The following PCYT1B variants were observed in gnomAD, a reference collection of about 807,000 sequenced individuals.
PCYT1B encodes phosphate cytidylyltransferase 1B, choline.
A neutral mutation model predicts 26.4 loss-of-function variants in PCYT1B; 10 were observed. The ratio of observed to expected loss-of-function variants is 0.38; its 90% CI spans 0.23 to 0.64. The LOEUF (loss-of-function observed/expected upper bound fraction) is 0.64. PCYT1B is among the 30% of genes least tolerant of loss of function. PCYT1B has a pLI of 0.56. For synonymous variants in PCYT1B, 131 were observed against 108.4 expected, an observed-to-expected ratio of 1.21 and a Z score of -1.29; for missense variants, 161 against 292.7, an observed-to-expected ratio of 0.55 and a Z score of 3.28.
At chrX:24,661,599 GA>G (rs1219053941) in intron 1 of PCYT1B, among the ~76,000 whole-genome samples, 3 of 111,925 alleles carry the variant, frequency 2.7e-5, no homozygotes, top group Non-Finnish European at 5.6e-5. Context: ...AGGGATAAAG[GA>G]GTATGTTAAC....
At chrX:24,579,204 A>AGG in intron 6 of PCYT1B, 112 bp downstream of exon 6, 1 of 596,768 alleles carries the variant, frequency 1.7e-6, no homozygotes, top group Non-Finnish European at 2.5e-6. Flanking sequence ...AAAAAAAGAG[A>AGG]GAGAGAGAGG....
At chrX:24,630,516 C>T (rs953819685) in intron 1 of PCYT1B, among the ~76,000 whole-genome samples, 4 of 111,319 alleles carry the variant, frequency 3.6e-5, no homozygotes, top group Non-Finnish European at 3.8e-5. Context: ...AGGATGGTCT[C>T]GATCTCCTGA....
chrX:24,577,717 G>A (rs2148226215), intron 6 of PCYT1B, among the ~76,000 whole-genome samples: 1 of 111,973 alleles, frequency 8.9e-6, no homozygotes, highest in Non-Finnish European at 1.9e-5. Context: ...GATAATTATA[G>A]CTGCATGTAA....
At chrX:24,623,194 T>C (rs1434506264) in intron 1 of PCYT1B, among the ~76,000 whole-genome samples, 1 of 109,733 alleles carries the variant, frequency 9.1e-6, no homozygotes, top group Non-Finnish European at 1.9e-5. Context: ...GGCATGTTCA[T>C]GTTCATGTTC....
intron 6 of PCYT1B, among the ~76,000 whole-genome samples, chrX:24,577,174 T>C (rs1195064722): frequency 9.0e-6 from 1 of 111,080 alleles, no homozygotes; most frequent in African/African-American, 3.3e-5. Context: ...GGACTTGGAC[T>C]GGGTGACTGA....
In PCYT1B at chrX:24,647,152, C is replaced by A; in HGVS notation, c.-47G>T. The A allele has an allele frequency of 3.4e-6, 4 of 1,189,347 alleles. No homozygotes were observed. Among genetic ancestry groups the A allele is most frequent in the Non-Finnish European group, 3.4e-6 (3 of 884,259 alleles). On this transcript the variant is annotated 5_prime_UTR_variant, in exon 1 of 8. Transcript: ENST00000379144. ...GCTCTACACCCTCAGAGAGTCTCCT[C>A]CCAGGCAGAGAATGTTTTCTTTGTC...
At chrX:24,618,951 A>C in intron 2 of PCYT1B, 34 bp downstream of exon 2, 11 of 894,568 alleles carry the variant, frequency 1.2e-5, no homozygotes, top group Non-Finnish European at 1.7e-5. Flanking sequence ...ATGTCAAGAC[A>C]GGGCCCATTT....
intron 2 of PCYT1B, among the ~76,000 whole-genome samples, chrX:24,616,925 T>C (rs1184421001): frequency 8.9e-6 from 1 of 112,326 alleles, no homozygotes; most frequent in African/African-American, 3.2e-5. Context: ...GGTCAAGCTC[T>C]AAGACCAATA....
intron 1 of PCYT1B, among the ~76,000 whole-genome samples, chrX:24,664,671 T>C (rs968290770): frequency 3.6e-5 from 4 of 112,150 alleles, no homozygotes; most frequent in Admixed American, 9.5e-5. Flanking sequence ...AAATAGCCCA[T>C]CTTTGGCCAG....
chrX:24,607,852 G>A lies in PCYT1B; in HGVS notation c.227C>T (p.Pro76Leu). The change falls in exon 3 of 8, where the codon CCT (proline) becomes CTT (leucine). Residue 76 changes from proline to leucine, a missense_variant. Pro to Leu is a moderately conservative substitution (Grantham distance 98, BLOSUM62 -3). Coordinates refer to ENST00000379144, the MANE Select transcript of PCYT1B (RefSeq NM_004845.5). ...TATTCCATCGGCGTATACTCTGACA[G>A]GCCTGTCAGCTGTGGGAGAAAGAAA... ...QARLGTPADRPVRVYADGIFD... is the reference protein window; with the variant it reads ...QARLGTPADRLVRVYADGIFD... 1 of 1,141,964 alleles carries A rather than the reference G, an allele frequency of 8.8e-7. No homozygotes were observed. The highest frequency in any genetic ancestry group is 1.2e-6 in the Non-Finnish European group (1 of 836,959). 94.1% of individuals were successfully genotyped at this position (1,141,964 alleles called of 1,213,427 possible). A position where few individuals can be genotyped will look rare whatever the true frequency, so the allele number is the denominator to read the frequency against.
intron 1 of PCYT1B, among the ~76,000 whole-genome samples, chrX:24,644,537 G>A (rs964541189): frequency 6.3e-5 from 7 of 110,620 alleles, no homozygotes; most frequent in African/African-American, 1.7e-4. Flanking sequence ...TCTCACTTAT[G>A]AGTATGTTAT....
chrX:24,651,071 A>C (rs762309349), upstream of PCYT1B, among the ~76,000 whole-genome samples: 1 of 111,669 alleles, frequency 9.0e-6, no homozygotes, highest in East Asian at 2.8e-4. Context: ...AAGCATTGGA[A>C]GGAAATATAT....
At position 24,572,258 on chromosome X, in the gene PCYT1B, ACG is replaced by A. The variant is rs756755932; in HGVS notation, c.897+2870_897+2871del. On this transcript the variant is annotated intron_variant, in intron 7 of 7. Coordinates refer to ENST00000379144, the MANE Select transcript of PCYT1B (RefSeq NM_004845.5). Reference sequence around the variant, plus strand: ...TCTATCTATCTGTCTACATACACACACGCGCGCGCACACACACACACACACAC... The same window carrying A: ...TCTATCTATCTGTCTACATACACACACGCGCGCACACACACACACACACAC... Among the ~76,000 whole-genome samples, 783 of 102,909 alleles carry A rather than the reference ACG, an allele frequency of 7.6e-3. 5 individuals are homozygous for A. Among genetic ancestry groups the A allele is most frequent in the African/African-American group, 0.02 (561 of 28,348 alleles). The allele number at this position is 102,909 out of a possible 115,157, so 89.4% of individuals were successfully genotyped here. A position where few individuals can be genotyped will look rare whatever the true frequency, so the allele number is the denominator to read the frequency against.
At chrX:24,626,850 T>A (rs765171134) in intron 1 of PCYT1B, among the ~76,000 whole-genome samples, 2 of 111,767 alleles carry the variant, frequency 1.8e-5, no homozygotes, top group Admixed American at 1.9e-4. Context: ...TTCTAGCTTC[T>A]GAGGATACAA....
intron 1 of PCYT1B, among the ~76,000 whole-genome samples, chrX:24,645,971 T>A (rs1926611453): frequency 8.9e-6 from 1 of 111,794 alleles, no homozygotes; most frequent in Admixed American, 9.5e-5. Context: ...CATCACAAAA[T>A]CCTTTTTTAA....
chrX:24,622,014 C>T (rs779267349), intron 1 of PCYT1B: 1 of 115,614 alleles, frequency 8.6e-6, no homozygotes, highest in South Asian at 3.7e-4. Context: ...GAAGGAGAAA[C>T]AAAGAGATGG....
intron 1 of PCYT1B, among the ~76,000 whole-genome samples, chrX:24,669,105 T>C (rs1927183928): frequency 2.7e-5 from 3 of 112,258 alleles, no homozygotes; most frequent in African/African-American, 9.7e-5. Context: ...TTTGAGGACA[T>C]GCCTCAGCAT....
intron 7 of PCYT1B, among the ~76,000 whole-genome samples, chrX:24,569,452 C>A (rs939159921): frequency 9.0e-6 from 1 of 111,623 alleles, no homozygotes; most frequent in Non-Finnish European, 1.9e-5. Context: ...TCAGTATATA[C>A]CCAAAAGAAT....
chrX:24,671,239 A>C (rs911251135), intron 1 of PCYT1B, among the ~76,000 whole-genome samples: 1 of 110,994 alleles, frequency 9.0e-6, no homozygotes, highest in Non-Finnish European at 1.9e-5. Flanking sequence ...CAAAGTGCTG[A>C]GATTACAGGT....
Sources: gnomAD v4.1 joint callset for allele counts (sites outside exome capture counted in the v4.1 genomes callset) on GRCh38, gnomAD v4.1.1 for gene constraint, MANE v1.5 for transcripts, NCBI Gene and HGNC (gene_info 2026-07-23, HGNC 2026-07-21) for gene names.